CDYL2: variants seen among roughly 807,000 people sequenced by gnomAD.
CDYL2 encodes chromodomain Y like 2.
CDYL2 carries 23 observed loss-of-function variants against 49.4 expected under a neutral mutation model. The observed-to-expected ratio is 0.47, with a 90% CI of 0.34 to 0.66. The LOEUF (loss-of-function observed/expected upper bound fraction) is 0.66. Ranked by LOEUF, CDYL2 falls within the 30% of genes least tolerant of loss-of-function variation. CDYL2 has a pLI of 0.01. For synonymous variants in CDYL2, 360 were observed against 268.8 expected, an observed-to-expected ratio of 1.34 and a Z score of -3.32; for missense variants, 678 against 656.4, an observed-to-expected ratio of 1.03 and a Z score of -0.36.
rs138650683 is a variant in CDYL2 at position 80,716,174 on chromosome 16, A to C, written c.25-31045T>G. On this transcript the variant is annotated intron_variant, in intron 1 of 6. Transcript: ENST00000570137. The stretch of plus-strand genomic sequence containing the variant: ...TCACTCCTCATTCTTATCTCAGCTC[A>C]AATATCACTTCATCAAAGAGAAGCC... Among the ~76,000 whole-genome samples the C allele has an allele frequency of 5.5e-3, 837 of 152,366 alleles. 8 individuals are homozygous for C. Among genetic ancestry groups the C allele is most frequent in the African/African-American group, 0.018 (760 of 41,584 alleles).
chr16:80,731,985 C>T (rs564307415), intron 1 of CDYL2, among the ~76,000 whole-genome samples: 1 of 151,624 alleles, frequency 6.6e-6, no homozygotes, highest in Admixed American at 6.6e-5. Flanking sequence ...TGCACTAGGC[C>T]GCAAGGAAAG....
intron 1 of CDYL2, among the ~76,000 whole-genome samples, chr16:80,709,594 A>ACACT (rs1491201692): frequency 1.3e-5 from 2 of 150,422 alleles, no homozygotes; most frequent in East Asian, 2.0e-4. Flanking sequence ...ACACACACAC[A>ACACT]CTTCCTCAAA....
chr16:80,648,147 A>T (rs1012878136), intron 2 of CDYL2, among the ~76,000 whole-genome samples: 2 of 152,134 alleles, frequency 1.3e-5, no homozygotes, highest in African/African-American at 4.8e-5. Flanking sequence ...TAGATGAAAA[A>T]AATAATAAAG....
intron 2 of CDYL2, among the ~76,000 whole-genome samples, chr16:80,674,701 G>A (rs1909670582): frequency 6.6e-6 from 1 of 152,198 alleles, no homozygotes; most frequent in Non-Finnish European, 1.5e-5. Flanking sequence ...GACATAAGTG[G>A]AATCATATCA....
At chr16:80,643,755 G>T (rs897527510) in intron 2 of CDYL2, among the ~76,000 whole-genome samples, 2 of 152,196 alleles carry the variant, frequency 1.3e-5, no homozygotes, top group Non-Finnish European at 2.9e-5. Context: ...GAGCAGCTGG[G>T]ACACAGGGCA....
intron 4 of CDYL2, among the ~76,000 whole-genome samples, chr16:80,617,363 G>C (rs1244809172): frequency 6.6e-6 from 1 of 152,176 alleles, no homozygotes; most frequent in Non-Finnish European, 1.5e-5. Flanking sequence ...TTTTAGCCCT[G>C]CTAGATTTTG....
chr16:80,707,335 G>T (rs1053037730), intron 1 of CDYL2, among the ~76,000 whole-genome samples: 1 of 151,946 alleles, frequency 6.6e-6, no homozygotes, highest in Non-Finnish European at 1.5e-5. Flanking sequence ...TGGGGCTGGC[G>T]TGTGTCTGTC....
At chr16:80,791,116 A>T (rs1204845056) in intron 1 of CDYL2, among the ~76,000 whole-genome samples, 2 of 152,218 alleles carry the variant, frequency 1.3e-5, no homozygotes, top group African/African-American at 4.8e-5. Flanking sequence ...AGATTCAGCA[A>T]TCCTCTAAAT....
intron 1 of CDYL2, among the ~76,000 whole-genome samples, chr16:80,730,748 C>T (rs964284431): frequency 6.6e-6 from 1 of 152,104 alleles, no homozygotes; most frequent in South Asian, 2.1e-4. Context: ...AGGGGTGTAT[C>T]TAAGCAATGA....
At chr16:80,773,762 CATACTT>C (rs1238080854) in intron 1 of CDYL2, among the ~76,000 whole-genome samples, 1 of 152,048 alleles carries the variant, frequency 6.6e-6, no homozygotes, top group Non-Finnish European at 1.5e-5. Flanking sequence ...ACTCGTATGA[CATACTT>C]AAAGGCATGC....
chr16:80,706,645 G>A (rs1185780382), intron 1 of CDYL2, among the ~76,000 whole-genome samples: 1 of 152,184 alleles, frequency 6.6e-6, no homozygotes, highest in Non-Finnish European at 1.5e-5. Flanking sequence ...GCACAAAAGT[G>A]ATTATCAAGG....
chr16:80,778,534 T>C (rs1283196345), intron 1 of CDYL2, among the ~76,000 whole-genome samples: 2 of 152,006 alleles, frequency 1.3e-5, no homozygotes, highest in Non-Finnish European at 2.9e-5. Context: ...AAACTTAGGA[T>C]CTGTATCAAG....
chr16:80,603,944 C>A lies in CDYL2; in HGVS notation c.*444G>T. 6.0e-6 allele frequency: 1 copy of A among 166,958 alleles called. No homozygotes were observed. The highest frequency in any genetic ancestry group is 1.3e-5 in the Non-Finnish European group (1 of 76,028). The allele number at this position is 166,958 out of a possible 1,614,324, so 10.3% of individuals were successfully genotyped here. ...ATTTTGCTCATTGGTCTGGAAATTC[C>A]CTAAGATTGGTCGTCCTCTGACACC... On this transcript the variant is annotated 3_prime_UTR_variant, in exon 7 of 7. Transcript: ENST00000570137.
chr16:80,762,077 T>G (rs1906551692), intron 1 of CDYL2, among the ~76,000 whole-genome samples: 1 of 151,892 alleles, frequency 6.6e-6, no homozygotes, highest in African/African-American at 2.4e-5. Flanking sequence ...TCCCAGGTAC[T>G]CGGGAGGCTG....
chr16:80,720,611 C>G (rs1002409229), intron 1 of CDYL2, among the ~76,000 whole-genome samples: 1 of 152,216 alleles, frequency 6.6e-6, no homozygotes, highest in Non-Finnish European at 1.5e-5. Context: ...TTCAACGTGG[C>G]TTCTGAAACA....
chr16:80,646,716 G>T (rs941751451), intron 2 of CDYL2, among the ~76,000 whole-genome samples: 2 of 152,048 alleles, frequency 1.3e-5, no homozygotes, highest in Non-Finnish European at 2.9e-5. Flanking sequence ...TTGAACCAGG[G>T]AGTCAGAGGT....
At chr16:80,740,881 T>C (rs1444891044) in intron 1 of CDYL2, among the ~76,000 whole-genome samples, 1 of 151,648 alleles carries the variant, frequency 6.6e-6, no homozygotes, top group Non-Finnish European at 1.5e-5. Flanking sequence ...TAGAGACACT[T>C]CTATATTTGT....
At chr16:80,723,629 C>T (rs942173487) in intron 1 of CDYL2, among the ~76,000 whole-genome samples, 1 of 152,222 alleles carries the variant, frequency 6.6e-6, no homozygotes, top group Non-Finnish European at 1.5e-5. Context: ...CAAACCATAG[C>T]CTACAAGCTG....
At chr16:80,758,310 GTAA>G (rs1177070297) in intron 1 of CDYL2, among the ~76,000 whole-genome samples, 4 of 150,286 alleles carry the variant, frequency 2.7e-5, no homozygotes, top group Non-Finnish European at 5.9e-5. Context: ...ACATATAGAA[GTAA>G]TAATAACTAC....
Sources: gnomAD v4.1 joint callset for allele counts (sites outside exome capture counted in the v4.1 genomes callset) on GRCh38, gnomAD v4.1.1 for gene constraint, MANE v1.5 for transcripts, NCBI Gene and HGNC (gene_info 2026-07-23, HGNC 2026-07-21) for gene names.